HEXB: variants seen among roughly 807,000 people sequenced by gnomAD.
HEXB encodes the protein beta-hexosaminidase subunit beta.
HEXB carries 51 observed loss-of-function variants against 71.2 expected under a neutral mutation model. The ratio of observed to expected loss-of-function variants is 0.72; its 90% CI spans 0.57 to 0.90. The LOEUF (loss-of-function observed/expected upper bound fraction) is 0.90, where lower values mean the gene tolerates loss of function less well. HEXB is among the 40% of genes least tolerant of loss of function. The probability of loss-of-function intolerance (pLI) is 0.00; values close to 1 mark genes in which losing one functional copy is unlikely to be tolerated. For synonymous variants in HEXB, 266 were observed against 249.3 expected (o/e 1.07, Z -0.63); for missense variants, 617 against 677.0 (o/e 0.91, Z 0.98).
At chr5:74,685,665 C>G in intron 1 of HEXB, 106 bp downstream of exon 1, 2 of 1,022,072 alleles carry the variant, frequency 2.0e-6, no homozygotes, top group Non-Finnish European at 2.8e-6. Context: ...GACGAGAAAC[C>G]GCCTGGGAGC....
chr5:74,704,693 G>A (rs538757714), intron 5 of HEXB, among the ~76,000 whole-genome samples: 9 of 152,142 alleles, frequency 5.9e-5, no homozygotes, highest in Non-Finnish European at 8.8e-5. Context: ...ACAACTCACC[G>A]TCTAGAATAA....
At chr5:74,680,729 G>C (rs928845165), upstream of HEXB, among the ~76,000 whole-genome samples, 2 of 152,176 alleles carry the variant, frequency 1.3e-5, no homozygotes, top group African/African-American at 4.8e-5. Context: ...TTCCATTTTG[G>C]GGATATTTAG....
At chr5:74,716,806 T>G in intron 9 of HEXB, 133 bp downstream of exon 9, 1 of 605,384 alleles carries the variant, frequency 1.7e-6, no homozygotes. Context: ...AAGGAGGCAA[T>G]ACCCACTGCT....
At chr5:74,666,881 G>A (rs1043931716) in intron 1 of HEXB, among the ~76,000 whole-genome samples, 3 of 152,116 alleles carry the variant, frequency 2.0e-5, no homozygotes, top group Admixed American at 2.0e-4. Context: ...AGAACATAAT[G>A]GAGACGTGTT....
At chr5:74,694,821 T>A (rs1445146958) in intron 3 of HEXB, among the ~76,000 whole-genome samples, 1 of 145,236 alleles carries the variant, frequency 6.9e-6, no homozygotes, top group Non-Finnish European at 1.5e-5. Context: ...AAAAAAAAAA[T>A]GAGCCAGGCA....
intron 5 of HEXB, among the ~76,000 whole-genome samples, chr5:74,700,547 T>G (rs1749238252): frequency 6.6e-6 from 1 of 152,052 alleles, no homozygotes. Flanking sequence ...TCCTTCCACC[T>G]TGGCCTCCCA....
chr5:74,686,143 A>G (rs547966742), intron 1 of HEXB, among the ~76,000 whole-genome samples: 6 of 140,304 alleles, frequency 4.3e-5, no homozygotes, highest in African/African-American at 1.5e-4. Context: ...GTCAGTGGTT[A>G]GGCAGTATCC....
chr5:74,646,713 G>A (rs1241883080), intron 1 of HEXB, among the ~76,000 whole-genome samples: 1 of 151,816 alleles, frequency 6.6e-6, no homozygotes, highest in African/African-American at 2.4e-5. Flanking sequence ...GATTACAGGC[G>A]TCTGCCACCG....
At chr5:74,661,116 G>A (rs775407070) in intron 1 of HEXB, among the ~76,000 whole-genome samples, 11 of 152,180 alleles carry the variant, frequency 7.2e-5, no homozygotes, top group East Asian at 1.9e-4. Flanking sequence ...TGTGGGCGTC[G>A]GGGGCTGCTG....
At chr5:74,692,106 G>T (rs1036599370) in intron 2 of HEXB, among the ~76,000 whole-genome samples, 1 of 152,068 alleles carries the variant, frequency 6.6e-6, no homozygotes, top group African/African-American at 2.4e-5. Context: ...TTTTTTAGGT[G>T]ACTGTGCTAT....
intron 5 of HEXB, among the ~76,000 whole-genome samples, chr5:74,700,457 T>C (rs1308840938): frequency 7.9e-5 from 12 of 151,832 alleles, no homozygotes; most frequent in Non-Finnish European, 1.6e-4. Flanking sequence ...ATTTAATTAA[T>C]TTAAATTTTT....
chr5:74,720,983 C>CTTAT, intron 13 of HEXB, 135 bp from the exon 14 acceptor site: 1 of 878,836 alleles, frequency 1.1e-6, no homozygotes, highest in Non-Finnish European at 1.8e-6. Context: ...ATTTTCTTCC[C>CTTAT]TTATTTTCAG....
At chr5:74,680,950 T>C (rs1205981047), upstream of HEXB, among the ~76,000 whole-genome samples, 1 of 152,228 alleles carries the variant, frequency 6.6e-6, no homozygotes, top group Non-Finnish European at 1.5e-5. Context: ...TGTAAATCCA[T>C]AGTGGTCCAC....
intron 1 of HEXB, among the ~76,000 whole-genome samples, chr5:74,663,081 G>A (rs190491082): frequency 6.6e-6 from 1 of 152,298 alleles, no homozygotes; most frequent in East Asian, 1.9e-4. Context: ...TTCTCTGTCA[G>A]TTTAGAACTC....
chr5:74,658,704 A>G (rs1475090335), intron 1 of HEXB, among the ~76,000 whole-genome samples: 1 of 152,122 alleles, frequency 6.6e-6, no homozygotes, highest in Non-Finnish European at 1.5e-5. Context: ...ATGACAGAAG[A>G]TTCACTTTTG....
At chr5:74,685,711 C>G in intron 1 of HEXB, 152 bp downstream of exon 1, 5 of 669,468 alleles carry the variant, frequency 7.5e-6, no homozygotes. Flanking sequence ...ATGGACTGAA[C>G]CCACGCTCTT....
At chr5:74,685,175 C>T, upstream of HEXB, 1 of 1,366,180 alleles carries the variant, frequency 7.3e-7, no homozygotes, top group Non-Finnish European at 9.5e-7. Flanking sequence ...TCACCCGCGG[C>T]CGCGCTTCCT....
intron 1 of HEXB, among the ~76,000 whole-genome samples, chr5:74,658,471 G>A (rs1168836535): frequency 6.6e-6 from 1 of 152,148 alleles, no homozygotes; most frequent in Non-Finnish European, 1.5e-5. Flanking sequence ...ACACCAGAGA[G>A]GCCATTTATG....
chr5:74,715,509 G>T lies in HEXB; in HGVS notation c.902-1G>T, dbSNP rs1554036638. The T allele has an allele frequency of 6.3e-7, 1 of 1,598,670 alleles. No individual in the cohort carries two copies. Among genetic ancestry groups the T allele is most frequent in the Non-Finnish European group, 8.6e-7 (1 of 1,166,130 alleles). On this transcript the variant is annotated splice_acceptor_variant, in intron 7 of 13. Coordinates refer to ENST00000261416, the MANE Select transcript of HEXB (RefSeq NM_000521.4). LOFTEE classifies it high-confidence loss of function. The stretch of plus-strand genomic sequence containing the variant: ...AAAAGAATCTTAATATTTTCTTCTA[G>T]GTCAGAAAGACCTCCTGACTCCATG...
Sources: gnomAD v4.1 joint callset for allele counts (sites outside exome capture counted in the v4.1 genomes callset) on GRCh38, gnomAD v4.1.1 for gene constraint, MANE v1.5 for transcripts, NCBI Gene and HGNC (gene_info 2026-07-23, HGNC 2026-07-21) for gene names.